The following RAB38 variants were observed in gnomAD, a reference collection of about 807,000 sequenced individuals.
RAB38 encodes the protein RAB38, member RAS oncogene family.
RAB38 carries 15 observed loss-of-function variants against 18.4 expected under a neutral mutation model. The observed-to-expected ratio is 0.82, with a 90% CI of 0.55 to 1.26. The LOEUF (loss-of-function observed/expected upper bound fraction) is 1.26. RAB38 is among the 50% of genes most tolerant of loss of function. The pLI is 0.00. For synonymous variants in RAB38, 101 were observed against 104.4 expected, an observed-to-expected ratio of 0.97 and a Z score of 0.20; for missense variants, 294 against 267.4, an observed-to-expected ratio of 1.10 and a Z score of -0.69.
chr11:87,917,529 G>GTTTTT, the RAB38 span, among the ~76,000 whole-genome samples: 3 of 73,222 alleles, frequency 4.1e-5, no homozygotes, highest in Non-Finnish European at 5.5e-5. Flanking sequence ...TCACTGAAGT[G>GTTTTT]TTTTTTTTTT....
intron 2 of RAB38, among the ~76,000 whole-genome samples, chr11:88,138,907 C>T (rs751829203): frequency 6.4e-4 from 97 of 152,026 alleles, no homozygotes; most frequent in African/African-American, 2.2e-3. Flanking sequence ...CTCAGCCTCC[C>T]GAGTAGCTGG....
At chr11:88,069,004 G>A in the RAB38 span, among the ~76,000 whole-genome samples, 2 of 152,142 alleles carry the variant, frequency 1.3e-5, no homozygotes, top group African/African-American at 2.4e-5. Context: ...TCTCTGGGTG[G>A]GCCAAGGCTG....
chr11:88,028,276 G>T, the RAB38 span, among the ~76,000 whole-genome samples: 24 of 152,142 alleles, frequency 1.6e-4, no homozygotes, highest in African/African-American at 5.3e-4. Context: ...ACAAAGATGG[G>T]GAAAAAACAG....
At chr11:87,816,782 T>A in the RAB38 span, among the ~76,000 whole-genome samples, 1 of 152,128 alleles carries the variant, frequency 6.6e-6, no homozygotes, top group East Asian at 1.9e-4. Context: ...ACATAAAATA[T>A]GCTGTATTTT....
At chr11:88,075,130 G>A in the RAB38 span, among the ~76,000 whole-genome samples, 1 of 152,090 alleles carries the variant, frequency 6.6e-6, no homozygotes, top group Non-Finnish European at 1.5e-5. Flanking sequence ...CTCAGCAATG[G>A]ACAGCTCATT....
the RAB38 span, among the ~76,000 whole-genome samples, chr11:88,025,188 T>C: frequency 5.3e-5 from 8 of 150,654 alleles, no homozygotes; most frequent in African/African-American, 1.9e-4. Flanking sequence ...GTGATATACA[T>C]ATGAGATATA....
At chr11:88,164,090 A>G (rs1480395528) in intron 1 of RAB38, among the ~76,000 whole-genome samples, 6 of 151,998 alleles carry the variant, frequency 3.9e-5, no homozygotes, top group African/African-American at 1.4e-4. Context: ...TACATAAAAA[A>G]CCTATTTTTG....
At chr11:88,013,988 T>G in the RAB38 span, among the ~76,000 whole-genome samples, 1 of 152,090 alleles carries the variant, frequency 6.6e-6, no homozygotes, top group Non-Finnish European at 1.5e-5. Context: ...ATATTAGAAG[T>G]GGTGACCGTA....
the RAB38 span, among the ~76,000 whole-genome samples, chr11:87,896,129 G>A: frequency 5.3e-5 from 8 of 151,696 alleles, no homozygotes; most frequent in Admixed American, 3.9e-4. Flanking sequence ...CATTAGTAAC[G>A]TAAAAGGGAA....
rs180834649 is a variant in RAB38 at position 88,135,296 on chromosome 11, A to G, written c.483+14379T>C. Among the ~76,000 whole-genome samples the G allele has an allele frequency of 3.1e-3, 466 of 152,226 alleles. 2 individuals carry two copies. Among genetic ancestry groups the G allele is most frequent in the African/African-American group, 0.01 (424 of 41,536 alleles). On this transcript the variant is annotated intron_variant, in intron 2 of 2. Transcript: ENST00000243662. The stretch of plus-strand genomic sequence containing the variant: ...TATTACGTTTATTTACCATTTTATA[A>G]CCTGTCTTTACTCACTTTAATGCAA...
chr11:88,036,132 A>G, the RAB38 span, among the ~76,000 whole-genome samples: 3 of 152,180 alleles, frequency 2.0e-5, no homozygotes, highest in African/African-American at 7.2e-5. Context: ...AAATTTTGAT[A>G]ATGGGAGTCC....
intron 2 of RAB38, among the ~76,000 whole-genome samples, chr11:88,117,993 T>A (rs56265365): frequency 0.043 from 6,578 of 152,216 alleles, 171 homozygotes; most frequent in South Asian, 0.066. Flanking sequence ...GGAAAGTGAC[T>A]GGCCCCAAGT....
chr11:87,865,015 CA>C, the RAB38 span, among the ~76,000 whole-genome samples: 1 of 151,566 alleles, frequency 6.6e-6, no homozygotes, highest in South Asian at 2.1e-4. Flanking sequence ...ATTTGTTTGA[CA>C]AAATGAGAGT....
the RAB38 span, among the ~76,000 whole-genome samples, chr11:87,973,697 C>A: frequency 7.0e-6 from 1 of 142,456 alleles, no homozygotes; most frequent in Non-Finnish European, 1.6e-5. Context: ...TGGCTACACA[C>A]GTGAAAAATG....
chr11:87,833,361 TC>T, the RAB38 span, among the ~76,000 whole-genome samples: 1 of 152,182 alleles, frequency 6.6e-6, no homozygotes, highest in Non-Finnish European at 1.5e-5. Context: ...GAATTCTATG[TC>T]CATGGTGCTT....
At chr11:88,019,193 A>G in the RAB38 span, among the ~76,000 whole-genome samples, 3 of 152,154 alleles carry the variant, frequency 2.0e-5, no homozygotes, top group Non-Finnish European at 4.4e-5. Flanking sequence ...CTCAGTTTTT[A>G]AAATTTTTCC....
At chr11:88,035,662 T>C in the RAB38 span, among the ~76,000 whole-genome samples, 1 of 152,168 alleles carries the variant, frequency 6.6e-6, no homozygotes, top group Non-Finnish European at 1.5e-5. Context: ...TTTTCTTGAG[T>C]TTTCTTTCTG....
chr11:88,003,805 AT>A, the RAB38 span, among the ~76,000 whole-genome samples: 765 of 2,482 alleles, frequency 0.31, 342 homozygotes, highest in Admixed American at 0.48. Flanking sequence ...TATTGTATAT[AT>A]TATATATAAT....
the RAB38 span, among the ~76,000 whole-genome samples, chr11:87,895,122 C>G: frequency 3.3e-3 from 498 of 151,572 alleles, 1 homozygote; most frequent in African/African-American, 0.011. Flanking sequence ...AAAAGCACCC[C>G]CAGGTGTGAA....
Sources: gnomAD v4.1 joint callset for allele counts (sites outside exome capture counted in the v4.1 genomes callset) on GRCh38, gnomAD v4.1.1 for gene constraint, MANE v1.5 for transcripts, NCBI Gene and HGNC (gene_info 2026-07-23, HGNC 2026-07-21) for gene names.